PARD3B: variants seen among roughly 807,000 people sequenced by gnomAD.
PARD3B encodes the protein partitioning defective 3 homolog B.
In PARD3B, 103 loss-of-function variants were observed where a neutral mutation model predicts 130.2. That is an observed-to-expected ratio of 0.79 (90% CI 0.67 to 0.93). The LOEUF (loss-of-function observed/expected upper bound fraction) is 0.93, where lower values mean the gene tolerates loss of function less well. Among genes scored for constraint, PARD3B ranks in the 40% least tolerant of loss-of-function variants. PARD3B has a pLI of 0.00. For missense variants in PARD3B, 1,609 were observed against 1,499.2 expected (o/e 1.07, Z -1.21); for synonymous variants, 583 against 553.2 (o/e 1.05, Z -0.76).
intron 21 of PARD3B, among the ~76,000 whole-genome samples, chr2:205,502,627 TG>T (rs2050198044): frequency 6.6e-6 from 1 of 152,052 alleles, no homozygotes; most frequent in Non-Finnish European, 1.5e-5. Flanking sequence ...CATTCTATAC[TG>T]GGGAACTTCT....
intron 2 of PARD3B, among the ~76,000 whole-genome samples, chr2:204,688,431 T>C (rs2037190844): frequency 6.6e-6 from 1 of 151,572 alleles, no homozygotes; most frequent in Admixed American, 6.6e-5. Context: ...TACAAAAAAA[T>C]TACACAGGAG....
Position 205,550,232 on chromosome 2 carries a change from A to G in PARD3B, c.3181-3092A>G, listed in dbSNP as rs2052558784. Among the ~76,000 whole-genome samples, 1 of 152,164 alleles carries G rather than the reference A, an allele frequency of 6.6e-6. No homozygotes were observed. The highest frequency in any genetic ancestry group is 2.1e-4 in the South Asian group (1 of 4,832). On this transcript the variant is annotated intron_variant, in intron 21 of 22. Transcript: ENST00000406610. This position sits in a 1 kb window ranked among gnomAD's most constrained non-coding sequence, Gnocchi z 4.5. ...TTTGAGATGACGCTTCAACACCCGT[A>G]TGACGCTGTCTTCAACTCTCCCAGG...
intron 2 of PARD3B, among the ~76,000 whole-genome samples, chr2:204,832,464 T>C (rs1038673694): frequency 6.6e-6 from 1 of 152,218 alleles, no homozygotes; most frequent in Non-Finnish European, 1.5e-5. Context: ...GTCTGTAGCA[T>C]GTTCATGTTT....
At chr2:205,597,829 A>T (rs1245210785) in intron 22 of PARD3B, among the ~76,000 whole-genome samples, 1 of 152,234 alleles carries the variant, frequency 6.6e-6, no homozygotes, top group Non-Finnish European at 1.5e-5. Context: ...GCTTGTTTAC[A>T]GCATCCTTAA....
chr2:204,662,473 C>G (rs2035853443), intron 1 of PARD3B, among the ~76,000 whole-genome samples: 2 of 152,066 alleles, frequency 1.3e-5, no homozygotes, highest in Non-Finnish European at 2.9e-5. Flanking sequence ...GTCATTCATT[C>G]AAATAAAAAA....
intron 2 of PARD3B, among the ~76,000 whole-genome samples, chr2:204,953,460 G>C (rs1173227582): frequency 7.5e-6 from 1 of 132,464 alleles, no homozygotes; most frequent in Non-Finnish European, 1.6e-5. Context: ...GAGAGAGAGA[G>C]AGAGAGAAGG....
chr2:205,468,576 C>T (rs181938039), intron 20 of PARD3B, among the ~76,000 whole-genome samples: 1 of 152,200 alleles, frequency 6.6e-6, no homozygotes, highest in Non-Finnish European at 1.5e-5. Flanking sequence ...AAGCCAGAAT[C>T]TGGGAGTCTT....
intron 3 of PARD3B, among the ~76,000 whole-genome samples, chr2:204,987,739 G>T (rs995941976): frequency 1.3e-5 from 2 of 151,822 alleles, no homozygotes; most frequent in African/African-American, 2.4e-5. Context: ...TTTCAAGTTG[G>T]GATCTTAATC....
chr2:205,382,614 A>G (rs1458625921), intron 18 of PARD3B, among the ~76,000 whole-genome samples: 2 of 152,074 alleles, frequency 1.3e-5, no homozygotes, highest in African/African-American at 4.8e-5. Flanking sequence ...AATAGTTACC[A>G]TGGTGTTTCA....
At chr2:205,324,966 C>A (rs924329354) in intron 18 of PARD3B, among the ~76,000 whole-genome samples, 1 of 152,190 alleles carries the variant, frequency 6.6e-6, no homozygotes, top group Non-Finnish European at 1.5e-5. Context: ...TTTTCTCTCA[C>A]CTGTGAAGAC....
At chr2:204,888,745 A>C (rs2125684634) in intron 2 of PARD3B, among the ~76,000 whole-genome samples, 1 of 151,894 alleles carries the variant, frequency 6.6e-6, no homozygotes, top group East Asian at 1.9e-4. Context: ...AAAAAAAAAA[A>C]AAAAATGTAT....
In PARD3B at chr2:205,378,976, A is replaced by G. The variant is rs140814407; in HGVS notation, c.2631-22037A>G. Among the ~76,000 whole-genome samples the G allele has an allele frequency of 3.8e-3, 572 of 151,330 alleles. 3 individuals are homozygous for G. The highest frequency in any genetic ancestry group is 0.013 in the African/African-American group (536 of 41,208). On this transcript the variant is annotated intron_variant, in intron 18 of 22. Coordinates refer to ENST00000406610, the MANE Select transcript of PARD3B (RefSeq NM_001302769.2). ...AAGGAGAAAAGAACCGTCTGTGGCT[A>G]CTTCTAAAGCAGCTGCTGATAGGCT...
chr2:204,802,283 A>G (rs1415755467), intron 2 of PARD3B, among the ~76,000 whole-genome samples: 1 of 152,216 alleles, frequency 6.6e-6, no homozygotes, highest in Non-Finnish European at 1.5e-5. Flanking sequence ...AATCAAAACC[A>G]CAATGAGATA....
chr2:204,811,343 C>T (rs2042954341), intron 2 of PARD3B, among the ~76,000 whole-genome samples: 1 of 151,988 alleles, frequency 6.6e-6, no homozygotes, highest in Non-Finnish European at 1.5e-5. Context: ...GTATAAACTG[C>T]CCATTTTATT....
chr2:205,567,481 A>ATTTTTTTTTTTTTTTTTT lies in PARD3B; in HGVS notation c.3260+14092_3260+14093insTTTTTTTTTTTTTTTTTT, dbSNP rs61638177. ...AGGTGCCTGCCACCATGCCCGGTTA[A>ATTTTTTTTTTTTTTTTTT]TTTTTTTTTTTTTTGTATTTTTAGT... On this transcript the variant is annotated intron_variant, in intron 22 of 22. Coordinates refer to ENST00000406610, the MANE Select transcript of PARD3B (RefSeq NM_001302769.2). Among the ~76,000 whole-genome samples the ATTTTTTTTTTTTTTTTTT allele has an allele frequency of 6.2e-5, 7 of 113,482 alleles. No individual in the cohort carries two copies. The East Asian group carries it at 7.9e-4, about 13-fold the overall frequency. The allele number at this position is 113,482 out of a possible 152,430, so 74.4% of individuals were successfully genotyped here.
At chr2:204,958,754 T>C (rs760427306) in intron 2 of PARD3B, among the ~76,000 whole-genome samples, 1 of 152,178 alleles carries the variant, frequency 6.6e-6, no homozygotes, top group Non-Finnish European at 1.5e-5. Context: ...TATTCTACCC[T>C]ATTCCTTCTC....
rs917066151 is a variant in PARD3B, at chr2:204,946,647, A to G, written c.223-18505A>G. Reference sequence around the variant, plus strand: ...ATGTACTGTCAGGGTTCTCCAGAGAAACTGAACCACTAGGCTTGTGCATGT... The same window carrying G: ...ATGTACTGTCAGGGTTCTCCAGAGAGACTGAACCACTAGGCTTGTGCATGT... On this transcript the variant is annotated intron_variant, in intron 2 of 22. Transcript: ENST00000406610. 9.2e-5 allele frequency among the ~76,000 whole-genome samples: 14 copies of G among 152,322 alleles called. No individual in the cohort carries two copies. The East Asian group carries it at 2.7e-3, about 29-fold the overall frequency.
intron 2 of PARD3B, among the ~76,000 whole-genome samples, chr2:204,810,231 G>A (rs899641629): frequency 3.9e-5 from 6 of 151,912 alleles, no homozygotes; most frequent in Non-Finnish European, 7.4e-5. Context: ...TTAGGTATGC[G>A]TTATTTCTTT....
At chr2:205,346,097 G>A (rs1050003762) in intron 18 of PARD3B, among the ~76,000 whole-genome samples, 2 of 146,778 alleles carry the variant, frequency 1.4e-5, no homozygotes, top group African/African-American at 4.9e-5. Context: ...TCTTGAACTC[G>A]GGAGGCGAAG....
Sources: gnomAD v4.1 joint callset for allele counts (sites outside exome capture counted in the v4.1 genomes callset) on GRCh38, gnomAD v4.1.1 for gene constraint, Gnocchi (gnomAD v3.1) non-coding constraint, MANE v1.5 for transcripts, NCBI Gene and HGNC (gene_info 2026-07-23, HGNC 2026-07-21) for gene names.